Variants in CACNG2 observed in about 807,000 individuals in gnomAD.
CACNG2 encodes the protein calcium voltage-gated channel auxiliary subunit gamma 2.
CACNG2 carries 3 observed loss-of-function variants against 25.9 expected under a neutral mutation model. The ratio of observed to expected loss-of-function variants is 0.12; its 90% CI spans 0.05 to 0.30. CACNG2 has a LOEUF of 0.30. Among genes scored for constraint, CACNG2 ranks in the 10% least tolerant of loss-of-function variants. The probability of loss-of-function intolerance (pLI) is 1.00; values close to 1 mark genes in which losing one functional copy is unlikely to be tolerated. For missense variants in CACNG2, 341 were observed against 432.5 expected, an observed-to-expected ratio of 0.79 and a Z score of 1.88; for synonymous variants, 167 against 173.3, an observed-to-expected ratio of 0.96 and a Z score of 0.29.
intron 1 of CACNG2, among the ~76,000 whole-genome samples, chr22:36,642,941 G>A (rs1414020659): frequency 1.3e-5 from 2 of 152,188 alleles, no homozygotes; most frequent in African/African-American, 4.8e-5. Context: ...AGCAAGCCAT[G>A]AAACAGTTGT....
chr22:36,641,808 G>A (rs527617794), intron 1 of CACNG2, among the ~76,000 whole-genome samples: 9 of 152,302 alleles, frequency 5.9e-5, no homozygotes, highest in East Asian at 1.9e-4. Context: ...GAGGGTTGCC[G>A]AGCCTCTGCC....
At chr22:36,567,486 C>G (rs2283967) in intron 2 of CACNG2, among the ~76,000 whole-genome samples, 1 of 151,764 alleles carries the variant, frequency 6.6e-6, no homozygotes, top group African/African-American at 2.4e-5. Context: ...GAAGAGAAAC[C>G]CCTCTAGATA....
chr22:36,622,696 C>A (rs140182498), intron 1 of CACNG2, among the ~76,000 whole-genome samples: 5 of 152,152 alleles, frequency 3.3e-5, no homozygotes, highest in African/African-American at 1.2e-4. Context: ...CGGTGGCTCA[C>A]GCCTGTAATC....
intron 1 of CACNG2, among the ~76,000 whole-genome samples, chr22:36,605,533 G>A (rs1935818221): frequency 6.6e-6 from 1 of 152,160 alleles, no homozygotes; most frequent in Non-Finnish European, 1.5e-5. Flanking sequence ...AGCTTCACAG[G>A]GTCTGGAGGC....
chr22:36,566,622 T>G (rs1569014612), intron 2 of CACNG2, 129 bp from the exon 3 acceptor site: 1 of 1,003,798 alleles, frequency 1.0e-6, no homozygotes, highest in Non-Finnish European at 1.5e-6. Flanking sequence ...GAGAGGTTGC[T>G]TTGCAATCCT....
At chr22:36,682,041 A>C (rs1340528675) in intron 1 of CACNG2, among the ~76,000 whole-genome samples, 5 of 152,176 alleles carry the variant, frequency 3.3e-5, no homozygotes, top group Non-Finnish European at 7.4e-5. Flanking sequence ...TGAGAATTGA[A>C]CTAGGGAAGT....
At chr22:36,668,123 G>A (rs762623312) in intron 1 of CACNG2, among the ~76,000 whole-genome samples, 11 of 152,320 alleles carry the variant, frequency 7.2e-5, no homozygotes, top group South Asian at 4.1e-4. Flanking sequence ...CTGCAGCTCC[G>A]CATCCTGATG....
At position 36,702,744 on chromosome 22, in the gene CACNG2, G is replaced by A; in HGVS notation, c.-168C>T. ...ATATGGAGAGTTATAAAAAAAGGGA[G>A]GTAAGAAAGCTCACGGAAAAGAGTG... is the stretch of plus-strand genomic sequence containing the variant. On this transcript the variant is annotated 5_prime_UTR_variant, in exon 1 of 4. Transcript: ENST00000300105. 5.1e-6 allele frequency: 3 copies of A among 587,602 alleles called. No homozygotes were observed. The highest frequency in any genetic ancestry group is 3.0e-5 in the Admixed American group (1 of 33,694). The allele number at this position is 587,602 out of a possible 1,614,324, so 36.4% of individuals were successfully genotyped here. A position where few individuals can be genotyped will look rare whatever the true frequency, so the allele number is the denominator to read the frequency against.
intron 1 of CACNG2, among the ~76,000 whole-genome samples, chr22:36,688,234 A>T (rs1261842354): frequency 6.6e-6 from 1 of 152,114 alleles, no homozygotes; most frequent in Non-Finnish European, 1.5e-5. Context: ...ACCTCATTTA[A>T]CCTTAAATGA....
chr22:36,574,084 G>T (rs912358921), intron 2 of CACNG2, among the ~76,000 whole-genome samples: 2 of 152,096 alleles, frequency 1.3e-5, no homozygotes, highest in Non-Finnish European at 2.9e-5. Context: ...TCTGGGCCAC[G>T]TGGGGCCTCA....
At chr22:36,570,157 C>T (rs1245991567) in intron 2 of CACNG2, among the ~76,000 whole-genome samples, 1 of 152,222 alleles carries the variant, frequency 6.6e-6, no homozygotes, top group East Asian at 1.9e-4. Context: ...TGCCCCAGCT[C>T]AGCCCTCCTG....
At chr22:36,629,227 A>C (rs738974) in intron 1 of CACNG2, among the ~76,000 whole-genome samples, 82,132 of 151,992 alleles carry the variant, frequency 0.54, 23,956 homozygotes, top group Non-Finnish European at 0.64. Flanking sequence ...GAAGCCTTAA[A>C]TACTGGTGAA....
At chr22:36,586,327 C>T (rs1271418982) in intron 2 of CACNG2, among the ~76,000 whole-genome samples, 1 of 152,190 alleles carries the variant, frequency 6.6e-6, no homozygotes, top group Non-Finnish European at 1.5e-5. Context: ...AACCAAATGG[C>T]CTTTTAGGAA....
intron 1 of CACNG2, among the ~76,000 whole-genome samples, chr22:36,642,948 T>C (rs1196922413): frequency 6.6e-6 from 1 of 152,160 alleles, no homozygotes; most frequent in East Asian, 1.9e-4. Flanking sequence ...CATGAAACAG[T>C]TGTGTGGTCA....
intron 1 of CACNG2, among the ~76,000 whole-genome samples, chr22:36,609,350 G>A (rs541245152): frequency 1.4e-4 from 21 of 146,708 alleles, no homozygotes; most frequent in African/African-American, 5.1e-4. Context: ...AGTGTGATCG[G>A]GCAGGAATCA....
chr22:36,635,812 G>T (rs1429537109), intron 1 of CACNG2, among the ~76,000 whole-genome samples: 3 of 152,108 alleles, frequency 2.0e-5, no homozygotes, highest in African/African-American at 4.8e-5. Context: ...AGCATCTCTT[G>T]CTCACCACGT....
At chr22:36,639,950 G>A (rs1936418292) in intron 1 of CACNG2, among the ~76,000 whole-genome samples, 1 of 152,176 alleles carries the variant, frequency 6.6e-6, no homozygotes, top group African/African-American at 2.4e-5. Flanking sequence ...ACACTCTCCA[G>A]TGTCTCCCGA....
At chr22:36,582,891 T>TAC (rs1935442795) in intron 2 of CACNG2, among the ~76,000 whole-genome samples, 1 of 152,020 alleles carries the variant, frequency 6.6e-6, no homozygotes, top group African/African-American at 2.4e-5. Context: ...GGGCCTGGCA[T>TAC]ACAGGGGGGC....
At chr22:36,590,758 C>T (rs764131850) in intron 1 of CACNG2, among the ~76,000 whole-genome samples, 8 of 152,116 alleles carry the variant, frequency 5.3e-5, no homozygotes, top group South Asian at 4.1e-4. Context: ...CCAGTGCTGT[C>T]GGGGAAAAGC....
Sources: gnomAD v4.1 joint callset for allele counts (sites outside exome capture counted in the v4.1 genomes callset) on GRCh38, gnomAD v4.1.1 for gene constraint, MANE v1.5 for transcripts, NCBI Gene and HGNC (gene_info 2026-07-23, HGNC 2026-07-21) for gene names.